CCDC33: variants seen among roughly 807,000 people sequenced by gnomAD.
CCDC33 encodes coiled-coil domain-containing protein 33.
CCDC33 carries 94 observed loss-of-function variants against 91.9 expected under a neutral mutation model. The observed-to-expected ratio is 1.02, with a 90% CI of 0.87 to 1.21. The LOEUF is 1.21. Ranked by LOEUF, CCDC33 falls within the 50% of genes most tolerant of loss-of-function variation. The pLI, the probability that CCDC33 is intolerant of heterozygous loss-of-function variation, is 0.00. For synonymous variants in CCDC33, 396 were observed against 374.5 expected (o/e 1.06, Z -0.66); for missense variants, 940 against 935.5 (o/e 1.00, Z -0.06).
chr15:74,250,912 G>A (rs1241220818), intron 2 of CCDC33, among the ~76,000 whole-genome samples: 1 of 152,206 alleles, frequency 6.6e-6, no homozygotes, highest in Non-Finnish European at 1.5e-5. Context: ...CGGGTCTAAA[G>A]CTCTACAGGG....
intron 1 of CCDC33, chr15:74,208,735 G>T (rs1383898138): frequency 2.6e-5 from 26 of 987,924 alleles, no homozygotes; most frequent in Middle Eastern, 5.2e-4. Context: ...CACCCCATGT[G>T]CCTTCTCGCT....
chr15:74,247,986 A>T (rs1427246561), intron 2 of CCDC33, among the ~76,000 whole-genome samples: 1 of 152,140 alleles, frequency 6.6e-6, no homozygotes, highest in Non-Finnish European at 1.5e-5. Flanking sequence ...CTGAGGCAGG[A>T]GAATCACTTG....
intron 11 of CCDC33, among the ~76,000 whole-genome samples, chr15:74,308,937 G>A (rs1235192287): frequency 6.6e-6 from 1 of 152,048 alleles, no homozygotes; most frequent in Non-Finnish European, 1.5e-5. Context: ...TCCTGTGGAG[G>A]CCAAGATGAA....
chr15:74,333,380 A>C, intron 16 of CCDC33: 1 of 1,352,728 alleles, frequency 7.4e-7, no homozygotes, highest in Non-Finnish European at 1.0e-6. Flanking sequence ...AAGATGCTTC[A>C]GGGGCCCCTT....
chr15:74,289,856 C>T (rs1056384798), intron 10 of CCDC33, among the ~76,000 whole-genome samples: 1 of 152,212 alleles, frequency 6.6e-6, no homozygotes, highest in Non-Finnish European at 1.5e-5. Flanking sequence ...GCCTACAACT[C>T]CCAGCTGCAG....
At chr15:74,285,734 G>A (rs351202) in intron 10 of CCDC33, among the ~76,000 whole-genome samples, 13,409 of 152,034 alleles carry the variant, frequency 0.088, 1,683 homozygotes, top group African/African-American at 0.28. Flanking sequence ...TGATGGGTTC[G>A]TTTTTCACCC....
chr15:74,313,079 C>G (rs1277460122), intron 11 of CCDC33, among the ~76,000 whole-genome samples: 1 of 152,200 alleles, frequency 6.6e-6, no homozygotes, highest in Non-Finnish European at 1.5e-5. Context: ...ACAGTGACAT[C>G]TTTGAGTCAC....
intron 1 of CCDC33, among the ~76,000 whole-genome samples, chr15:74,242,503 A>G (rs968169356): frequency 6.6e-6 from 1 of 152,164 alleles, no homozygotes; most frequent in Non-Finnish European, 1.5e-5. Flanking sequence ...TGAGCTTTCC[A>G]GAGATGAGGA....
rs2059675797 is a variant in CCDC33 at position 74,295,864 on chromosome 15, A to G, written c.1206A>G (p.Thr402=). ...RTIQESWSKD[T]VSSTMDLSTS... The stretch of plus-strand genomic sequence containing the variant: ...TCCAAGAGTCCTGGTCCAAGGACAC[A>G]GTGAGCTCCACAATGGACTTGAGCA... Residue 402 remains threonine, a synonymous_variant, in exon 11 of 19, where the codon ACA becomes ACG. Transcript: ENST00000398814. 1.9e-6 allele frequency: 3 copies of G among 1,614,080 alleles called. No individual in the cohort carries two copies. The highest frequency in any genetic ancestry group is 1.7e-6 in the Non-Finnish European group (2 of 1,180,042).
intron 11 of CCDC33, among the ~76,000 whole-genome samples, chr15:74,314,388 G>GCCTA (rs2060051302): frequency 6.6e-6 from 1 of 152,208 alleles, no homozygotes; most frequent in Admixed American, 6.5e-5. Flanking sequence ...GCCTGGGTGG[G>GCCTA]GGAAAGGCAG....
chr15:74,335,929 C>A lies in CCDC33; in HGVS notation c.2144C>A (p.Ala715Asp). The A allele has an allele frequency of 6.2e-7, 1 of 1,613,032 alleles. No homozygotes were observed. The highest frequency in any genetic ancestry group is 8.5e-7 in the Non-Finnish European group (1 of 1,179,378). Residue 715 changes from alanine (A) to aspartate (D), a missense_variant, in exon 19 of 19, where the codon GCC becomes GAC. Physicochemically the swap from Ala to Asp is moderately radical, Grantham distance 126. Coordinates refer to ENST00000398814, the MANE Select transcript of CCDC33 (RefSeq NM_025055.5). Reference protein sequence around the residue: ...SNSIIIEQPSALTHSMDLKQP... With the variant: ...SNSIIIEQPSDLTHSMDLKQP... ...ACCCCGCTTTGCACACCACAGAGTGCCCTCACCCACTCCATGGACCTCAAG... is the reference window on the plus strand; with the variant it reads ...ACCCCGCTTTGCACACCACAGAGTGACCTCACCCACTCCATGGACCTCAAG...
chr15:74,257,914 G>A (rs759851256), intron 2 of CCDC33, among the ~76,000 whole-genome samples: 29 of 152,220 alleles, frequency 1.9e-4, no homozygotes, highest in Non-Finnish European at 4.0e-4. Context: ...TATGGCCTGG[G>A]AGTCTGGCAG....
intron 10 of CCDC33, among the ~76,000 whole-genome samples, chr15:74,287,260 C>T (rs1467046733): frequency 6.6e-6 from 1 of 152,204 alleles, no homozygotes; most frequent in Admixed American, 6.5e-5. Context: ...TTCCCACCCC[C>T]AAGACTCCAT....
In CCDC33 at chr15:74,280,014, C is replaced by T. The variant is rs554268267; in HGVS notation, c.811C>T (p.Leu271Phe). The T allele has an allele frequency of 8.1e-6, 13 of 1,614,090 alleles. No individual in the cohort carries two copies. Among genetic ancestry groups the T allele is most frequent in the Middle Eastern group, 1.6e-4 (1 of 6,084 alleles). The part of the protein sequence containing the change: ...PEQPLWNQSF[L>F]FQGRDGATSF... ...GCAGCCCCTGTGGAATCAGTCCTTC[C>T]TCTTCCAAGGCCGAGATGGAGCTAC... The change falls in exon 8 of 19, where the codon CTC becomes TTC. Residue 271 changes from leucine (L) to phenylalanine (F), a missense_variant. Leu to Phe is a conservative substitution (Grantham distance 22). Transcript: ENST00000398814.
At chr15:74,232,555 C>G (rs1435096629), upstream of CCDC33, among the ~76,000 whole-genome samples, 3 of 152,200 alleles carry the variant, frequency 2.0e-5, no homozygotes, top group African/African-American at 7.2e-5. Context: ...GCCCCTTCCC[C>G]CATATCTCCC....
Position 74,272,840 on chromosome 15 carries a change from G to T in CCDC33, c.708G>T (p.Pro236=). 6.2e-7 allele frequency: 1 copy of T among 1,614,136 alleles called. No homozygotes were observed. Among genetic ancestry groups the T allele is most frequent in the Non-Finnish European group, 8.5e-7 (1 of 1,180,016 alleles). The change falls in exon 7 of 19, where the codon CCG becomes CCT. Residue 236 remains proline (P), a synonymous_variant. Coordinates refer to ENST00000398814, the MANE Select transcript of CCDC33 (RefSeq NM_025055.5). ...LPITPLSFPI[P]SMMNFDVPRV... ...TCACCCCACTGTCCTTCCCTATCCC[G>T]TCCATGATGAACTTTGACGTGCCTC... is the stretch of plus-strand genomic sequence containing the variant.
In CCDC33 at chr15:74,259,686, C is replaced by A. The variant is rs75205992; in HGVS notation, c.186-2754C>A. Among the ~76,000 whole-genome samples the A allele has an allele frequency of 1.9e-3, 289 of 152,320 alleles. 1 individual carries two copies. The highest frequency in any genetic ancestry group is 6.4e-3 in the African/African-American group (265 of 41,574). On this transcript the variant is annotated intron_variant, in intron 2 of 18. Transcript: ENST00000398814. The stretch of plus-strand genomic sequence containing the variant: ...CTGCTCCCTTGCCTTGCCCCGTCAC[C>A]TTTACCCACCTCTTTGCACCTGGGA...
rs140695814 is a variant in CCDC33, at chr15:74,271,874, T to C, written c.638+80T>C. The C allele has an allele frequency of 3.7e-3, 4,726 of 1,262,450 alleles. 57 individuals carry two copies. The highest frequency in any genetic ancestry group is 0.029 in the South Asian group (2,292 of 79,330). 78.2% of individuals were successfully genotyped at this position (1,262,450 alleles called of 1,614,324 possible). ...GGGGGTGAGGCTGTCATTGCTGCCA[T>C]GGGCTGATTCCAGGACCTCCGGCAA... On this transcript the variant is annotated intron_variant, in intron 6 of 18. Transcript: ENST00000398814.
At chr15:74,310,926 A>T (rs900845990) in intron 11 of CCDC33, among the ~76,000 whole-genome samples, 4 of 152,160 alleles carry the variant, frequency 2.6e-5, no homozygotes, top group African/African-American at 7.2e-5. Context: ...TGGGGTTTTG[A>T]TGGCTGAAGC....
Sources: allele counts gnomAD v4.1 joint callset (sites outside exome capture counted in the v4.1 genomes callset), GRCh38; gene constraint gnomAD v4.1.1; transcripts MANE v1.5; gene names NCBI Gene and HGNC (gene_info 2026-07-23, HGNC 2026-07-21).